MSRA: variants seen among roughly 807,000 people sequenced by gnomAD.
The protein encoded by MSRA is mitochondrial peptide methionine sulfoxide reductase.
A neutral mutation model predicts 31.3 loss-of-function variants in MSRA; 54 were observed. That is an observed-to-expected ratio of 1.73 (90% CI 1.39 to 2.17). The LOEUF (loss-of-function observed/expected upper bound fraction) is 2.17. Ranked by LOEUF, MSRA falls within the 30% of genes most tolerant of loss-of-function variation. The pLI is 0.00. For missense variants in MSRA, 507 were observed against 300.9 expected (o/e 1.69, Z -5.07); for synonymous variants, 169 against 116.5 (o/e 1.45, Z -2.90).
chr8:10,376,377 C>G lies in MSRA; in HGVS notation c.544-51771C>G, dbSNP rs78759037. Among the ~76,000 whole-genome samples, 1,439 of 152,252 alleles carry G rather than the reference C, an allele frequency of 9.5e-3. 24 individuals carry two copies. Among genetic ancestry groups the G allele is most frequent in the African/African-American group, 0.033 (1,387 of 41,548 alleles). On this transcript the variant is annotated intron_variant, in intron 5 of 5. Transcript: ENST00000317173. ...CTGCGCCTGTATTTTTAATCAAGTG[C>G]AGATTTAGAAAATACCTAATTAGAG...
chr8:10,133,965 G>C (rs1802082866), intron 1 of MSRA, among the ~76,000 whole-genome samples: 1 of 152,030 alleles, frequency 6.6e-6, no homozygotes, highest in Non-Finnish European at 1.5e-5. Context: ...TGAGTAGCTG[G>C]GATTACAGGC....
intron 1 of MSRA, among the ~76,000 whole-genome samples, chr8:10,129,760 T>C (rs535680245): frequency 3.9e-4 from 59 of 152,192 alleles, no homozygotes; most frequent in Non-Finnish European, 7.6e-4. Flanking sequence ...AAAGACATTC[T>C]GTGTTTGTAA....
intron 1 of MSRA, among the ~76,000 whole-genome samples, chr8:10,093,862 A>G (rs1341166597): frequency 6.6e-6 from 1 of 152,204 alleles, no homozygotes; most frequent in Non-Finnish European, 1.5e-5. Context: ...TCATTTTCAA[A>G]GAATAGTTTT....
At chr8:10,365,142 CAA>C (rs1171189760) in intron 5 of MSRA, among the ~76,000 whole-genome samples, 17 of 61,284 alleles carry the variant, frequency 2.8e-4, no homozygotes, top group African/African-American at 7.3e-4. Flanking sequence ...GTGAAGCAAC[CAA>C]AAAAAAAAAA....
chr8:10,081,398 G>A (rs1798285867), intron 1 of MSRA, among the ~76,000 whole-genome samples: 1 of 152,214 alleles, frequency 6.6e-6, no homozygotes, highest in South Asian at 2.1e-4. Context: ...TGGAGTGTGT[G>A]TGTGACTCGG....
At chr8:10,297,939 C>T (rs943832007) in intron 3 of MSRA, among the ~76,000 whole-genome samples, 1 of 152,216 alleles carries the variant, frequency 6.6e-6, no homozygotes, top group Non-Finnish European at 1.5e-5. Context: ...CTTATCTGGG[C>T]TACAGCCTGT....
intron 3 of MSRA, among the ~76,000 whole-genome samples, chr8:10,259,082 G>C (rs369812218): frequency 6.6e-6 from 1 of 151,302 alleles, no homozygotes; most frequent in African/African-American, 2.4e-5. Flanking sequence ...ACTCCAGCTT[G>C]GGTGACAGAG....
Position 10,086,781 on chromosome 8 carries a change from A to G in MSRA, c.142+32123A>G, listed in dbSNP as rs181626078. Among the ~76,000 whole-genome samples the G allele has an allele frequency of 2.7e-4, 41 of 149,932 alleles. 1 individual carries two copies. Among genetic ancestry groups the G allele is most frequent in the Middle Eastern group, 3.4e-3 (1 of 290 alleles). On this transcript the variant is annotated intron_variant, in intron 1 of 5. Coordinates refer to ENST00000317173, the MANE Select transcript of MSRA (RefSeq NM_012331.5). ...AAATCAATGAATGCAAGTAATGACT[A>G]TGTATATACTAGTGGAGAAGGAAGG...
chr8:10,100,109 A>C (rs1412559177), intron 1 of MSRA, among the ~76,000 whole-genome samples: 4 of 152,134 alleles, frequency 2.6e-5, no homozygotes, highest in Non-Finnish European at 5.9e-5. Flanking sequence ...GCAAGGGTGA[A>C]TGTGGGATCC....
intron 3 of MSRA, among the ~76,000 whole-genome samples, chr8:10,293,542 A>G (rs1448162962): frequency 1.3e-5 from 2 of 152,134 alleles, no homozygotes; most frequent in African/African-American, 4.8e-5. Context: ...CCCCCACTTG[A>G]TATTTGAATG....
At chr8:10,412,112 T>G (rs186595066) in intron 5 of MSRA, among the ~76,000 whole-genome samples, 9 of 152,392 alleles carry the variant, frequency 5.9e-5, no homozygotes, top group African/African-American at 2.2e-4. Context: ...TAACATTTTT[T>G]TCGCCATTCA....
At chr8:10,384,999 C>T (rs1040728096) in intron 5 of MSRA, among the ~76,000 whole-genome samples, 3 of 151,594 alleles carry the variant, frequency 2.0e-5, no homozygotes, top group Non-Finnish European at 4.4e-5. Context: ...AAAACCCTGT[C>T]TCCGAAAAAA....
intron 5 of MSRA, among the ~76,000 whole-genome samples, chr8:10,342,920 T>C (rs1213902555): frequency 6.6e-6 from 1 of 152,108 alleles, no homozygotes; most frequent in Non-Finnish European, 1.5e-5. Flanking sequence ...AGCGTTCTCA[T>C]ACATAAAATG....
intron 2 of MSRA, among the ~76,000 whole-genome samples, chr8:10,210,602 A>G (rs556094569): frequency 6.6e-6 from 1 of 152,334 alleles, no homozygotes; most frequent in African/African-American, 2.4e-5. Flanking sequence ...TTATTAATGC[A>G]CAGGAGGATG....
chr8:10,287,925 T>G (rs1015450762), intron 3 of MSRA, among the ~76,000 whole-genome samples: 2 of 152,140 alleles, frequency 1.3e-5, no homozygotes, highest in African/African-American at 4.8e-5. Context: ...ATTTGCTTGT[T>G]TCTCTGCCCT....
chr8:10,076,081 C>A (rs534313527), intron 1 of MSRA, among the ~76,000 whole-genome samples: 1 of 104,184 alleles, frequency 9.6e-6, no homozygotes, highest in African/African-American at 2.6e-5. Context: ...AGCTGTGCGT[C>A]ATGTGCTTAC....
chr8:10,406,458 G>A (rs2129186399), intron 5 of MSRA, among the ~76,000 whole-genome samples: 1 of 152,294 alleles, frequency 6.6e-6, no homozygotes, highest in Non-Finnish European at 1.5e-5. Flanking sequence ...CAGGAAAGTG[G>A]GGCATCCTTT....
At chr8:10,400,707 A>C (rs903241691) in intron 5 of MSRA, among the ~76,000 whole-genome samples, 5 of 152,198 alleles carry the variant, frequency 3.3e-5, no homozygotes, top group Non-Finnish European at 5.9e-5. Context: ...CTGAACCCTC[A>C]CATCTGTGGT....
At chr8:10,211,193 G>C (rs1023457677) in intron 2 of MSRA, among the ~76,000 whole-genome samples, 4 of 152,218 alleles carry the variant, frequency 2.6e-5, no homozygotes, top group Non-Finnish European at 5.9e-5. Flanking sequence ...GACAGATAGA[G>C]TGTGGGATAA....
Sources: gnomAD v4.1 joint callset for allele counts (sites outside exome capture counted in the v4.1 genomes callset) on GRCh38, gnomAD v4.1.1 for gene constraint, MANE v1.5 for transcripts, NCBI Gene and HGNC (gene_info 2026-07-23, HGNC 2026-07-21) for gene names.